Variants in ANKRD30B observed in about 807,000 individuals in gnomAD.
ANKRD30B encodes ankyrin repeat domain-containing protein 30B.
In ANKRD30B, 144 loss-of-function variants were observed where a neutral mutation model predicts 202.2. The observed-to-expected ratio is 0.71, with a 90% CI of 0.62 to 0.82. The LOEUF (loss-of-function observed/expected upper bound fraction) is 0.82. ANKRD30B is among the 40% of genes least tolerant of loss of function. The pLI is 0.00. For synonymous variants in ANKRD30B, 508 were observed against 561.3 expected, an observed-to-expected ratio of 0.91 and a Z score of 1.34; for missense variants, 1,487 against 1,669.1, an observed-to-expected ratio of 0.89 and a Z score of 1.90.
At chr18:14,796,020 G>GTTATTT (rs1166106893) in intron 16 of ANKRD30B, among the ~76,000 whole-genome samples, 16 of 152,048 alleles carry the variant, frequency 1.1e-4, no homozygotes, top group Non-Finnish European at 2.2e-4. Context: ...TTTGATGAAG[G>GTTATTT]TTATTTTTTA....
intron 41 of ANKRD30B, among the ~76,000 whole-genome samples, chr18:14,850,788 A>C (rs1011036778): frequency 3.3e-5 from 5 of 151,806 alleles, no homozygotes; most frequent in African/African-American, 9.7e-5. Context: ...TATCTTCTTT[A>C]CCACTTTTGT....
intron 36 of ANKRD30B, among the ~76,000 whole-genome samples, chr18:14,840,076 A>G (rs1426618097): frequency 6.6e-6 from 1 of 152,238 alleles, no homozygotes; most frequent in Non-Finnish European, 1.5e-5. Context: ...CATGAAAATA[A>G]AAGATAAGCT....
chr18:14,831,464 G>A lies in ANKRD30B; in HGVS notation c.2847+9G>A. ...TTAATCTTACTACCAAGGTAAAATA[G>A]TCTCTTGTTAAATTGATTTTCTCAG... On this transcript the variant is annotated intron_variant, in intron 34 of 43. Transcript: ENST00000690538. 1.4e-6 allele frequency: 2 copies of A among 1,461,896 alleles called. No homozygotes were observed. Among genetic ancestry groups the A allele is most frequent in the Non-Finnish European group, 1.9e-6 (2 of 1,080,980 alleles). The allele number at this position is 1,461,896 out of a possible 1,614,324, so 90.6% of individuals were successfully genotyped here.
chr18:14,800,092 TGTGGTGGTGG>T (rs1446104691), intron 22 of ANKRD30B, among the ~76,000 whole-genome samples: 2 of 151,156 alleles, frequency 1.3e-5, no homozygotes, highest in African/African-American at 2.4e-5. Context: ...AATAGCCGGT[TGTGGTGGTGG>T]GTGCCCGTAA....
At chr18:14,821,005 G>T (rs1485810145) in intron 30 of ANKRD30B, among the ~76,000 whole-genome samples, 3 of 152,014 alleles carry the variant, frequency 2.0e-5, no homozygotes, top group Admixed American at 6.6e-5. Flanking sequence ...GACTCTTTTT[G>T]GTTGGTAAAC....
At chr18:14,881,576 C>T in the ANKRD30B span, among the ~76,000 whole-genome samples, 1 of 151,972 alleles carries the variant, frequency 6.6e-6, no homozygotes, top group Non-Finnish European at 1.5e-5. Context: ...GGTTTTGGTA[C>T]TAGGGTGACG....
chr18:14,831,885 G>A (rs1970961232), intron 34 of ANKRD30B, among the ~76,000 whole-genome samples: 1 of 152,034 alleles, frequency 6.6e-6, no homozygotes, highest in Admixed American at 6.6e-5. Context: ...TATCTTTAAT[G>A]GATCCAGTTA....
At chr18:14,933,199 G>C in the ANKRD30B span, among the ~76,000 whole-genome samples, 1 of 152,196 alleles carries the variant, frequency 6.6e-6, no homozygotes, top group Non-Finnish European at 1.5e-5. Context: ...TGTGGGGAGT[G>C]GGGGAATGAC....
At chr18:14,792,646 G>A (rs1968602352) in intron 16 of ANKRD30B, among the ~76,000 whole-genome samples, 1 of 151,914 alleles carries the variant, frequency 6.6e-6, no homozygotes, top group Non-Finnish European at 1.5e-5. Context: ...GGGTGCTCCA[G>A]AGACTTTTGG....
chr18:14,748,391 C>T lies in ANKRD30B; in HGVS notation c.-29C>T. On this transcript the variant is annotated 5_prime_UTR_variant, in exon 1 of 44. Transcript: ENST00000690538. ...GCTGGGGAAGGGCGAGCGGGAGGCGCGGGCTCTCTCTAGCAGGGGGCTGCA... is the reference window on the plus strand; with the variant it reads ...GCTGGGGAAGGGCGAGCGGGAGGCGTGGGCTCTCTCTAGCAGGGGGCTGCA... The T allele has an allele frequency of 1.8e-5, 25 of 1,415,128 alleles. No individual in the cohort carries two copies. The highest frequency in any genetic ancestry group is 1.9e-4 in the Middle Eastern group (1 of 5,358). The allele number at this position is 1,415,128 out of a possible 1,614,324, so 87.7% of individuals were successfully genotyped here. A position where few individuals can be genotyped will look rare whatever the true frequency, so the allele number is the denominator to read the frequency against.
At chr18:14,865,447 C>A in the ANKRD30B span, among the ~76,000 whole-genome samples, 11 of 151,774 alleles carry the variant, frequency 7.2e-5, no homozygotes, top group African/African-American at 2.4e-4. Flanking sequence ...TCTTCTCTCC[C>A]CACCGTATTT....
chr18:14,829,284 G>A (rs1182735565), intron 33 of ANKRD30B, among the ~76,000 whole-genome samples: 1 of 152,074 alleles, frequency 6.6e-6, no homozygotes, highest in Admixed American at 6.5e-5. Flanking sequence ...TGTTCACATG[G>A]AGAATCTGAA....
chr18:14,914,895 AACATTAGTGTGTCATCC>A, the ANKRD30B span, among the ~76,000 whole-genome samples: 1 of 152,216 alleles, frequency 6.6e-6, no homozygotes, highest in Non-Finnish European at 1.5e-5. Flanking sequence ...GACGAGAGAC[AACATTAGTGTGTCATCC>A]ACATATGGTG....
In ANKRD30B at chr18:14,822,898, C is replaced by A. The variant is rs1970493600; in HGVS notation, c.2743+221C>A. The stretch of plus-strand genomic sequence containing the variant: ...TTCTACTGTACCTCATGTGGTTCTT[C>A]TTTAATATCCTGATACTATAAAGTT... On this transcript the variant is annotated intron_variant, in intron 32 of 43. Transcript: ENST00000690538. Among the ~76,000 whole-genome samples, 3 of 130,210 alleles carry A rather than the reference C, an allele frequency of 2.3e-5. No individual in the cohort carries two copies. The Admixed American group carries it at 2.5e-4, about 11-fold the overall frequency. 85.4% of individuals were successfully genotyped at this position (130,210 alleles called of 152,430 possible). A position where few individuals can be genotyped will look rare whatever the true frequency, so the allele number is the denominator to read the frequency against.
At chr18:14,787,909 C>A (rs1211048463) in intron 15 of ANKRD30B, among the ~76,000 whole-genome samples, 1 of 152,114 alleles carries the variant, frequency 6.6e-6, no homozygotes, top group Non-Finnish European at 1.5e-5. Context: ...CACTTTAATA[C>A]CTGTTTGCTT....
the ANKRD30B span, among the ~76,000 whole-genome samples, chr18:14,860,368 T>TC: frequency 8.7e-6 from 1 of 114,870 alleles, no homozygotes; most frequent in Admixed American, 9.1e-5. Flanking sequence ...GCAGAGGCGC[T>TC]CCTCACTTCC....
the ANKRD30B span, among the ~76,000 whole-genome samples, chr18:14,934,027 C>T: frequency 6.6e-6 from 1 of 152,256 alleles, no homozygotes; most frequent in African/African-American, 2.4e-5. Flanking sequence ...CATCCTTCCT[C>T]CACCTCAGAG....
chr18:14,867,442 T>C, the ANKRD30B span, among the ~76,000 whole-genome samples: 2 of 151,988 alleles, frequency 1.3e-5, no homozygotes, highest in African/African-American at 4.8e-5. Flanking sequence ...CTCAAGGTTC[T>C]AGAGGGTGAA....
downstream of ANKRD30B, among the ~76,000 whole-genome samples, chr18:14,856,354 G>T (rs1157613238): frequency 3.5e-5 from 4 of 115,654 alleles, no homozygotes; most frequent in East Asian, 1.0e-3. Context: ...TGGGGCAGCC[G>T]GGCAGAGGCG....
Sources: allele counts gnomAD v4.1 joint callset (sites outside exome capture counted in the v4.1 genomes callset), GRCh38; gene constraint gnomAD v4.1.1; transcripts MANE v1.5; gene names NCBI Gene and HGNC (gene_info 2026-07-23, HGNC 2026-07-21).